GABRG3: variants seen among roughly 807,000 people sequenced by gnomAD.
GABRG3 encodes gamma-aminobutyric acid type A receptor subunit gamma3, also known as gamma-aminobutyric acid receptor subunit gamma-3.
Under a neutral mutation model 48.8 loss-of-function variants are expected in GABRG3, and 25 were observed. The observed-to-expected ratio is 0.51, with a 90% CI of 0.37 to 0.72. The LOEUF is 0.72. GABRG3 is among the 30% of genes least tolerant of loss of function. GABRG3 has a pLI of 0.00. For missense variants in GABRG3, 394 were observed against 577.9 expected, an observed-to-expected ratio of 0.68 and a Z score of 3.26; for synonymous variants, 227 against 217.6, an observed-to-expected ratio of 1.04 and a Z score of -0.38.
At chr15:27,234,052 CT>C (rs1178549715) in intron 3 of GABRG3, among the ~76,000 whole-genome samples, 3 of 152,158 alleles carry the variant, frequency 2.0e-5, no homozygotes, top group African/African-American at 7.2e-5. Flanking sequence ...CCAAGACTTT[CT>C]TCCTTTTTTT....
chr15:27,351,248 G>GTT (rs1236054797), intron 5 of GABRG3, among the ~76,000 whole-genome samples: 1 of 143,672 alleles, frequency 7.0e-6, no homozygotes, highest in African/African-American at 2.8e-5. Context: ...TGTGTATGGT[G>GTT]TTTGTGTGTA....
intron 5 of GABRG3, 93 bp from the exon 6 acceptor site, chr15:27,480,557 A>G (rs1890073778): frequency 8.2e-7 from 1 of 1,214,538 alleles, no homozygotes; most frequent in Non-Finnish European, 1.1e-6. Context: ...TTAACTCCTA[A>G]CTCCTGTAAT....
intron 5 of GABRG3, among the ~76,000 whole-genome samples, chr15:27,332,757 C>T (rs780961949): frequency 6.6e-6 from 1 of 152,088 alleles, no homozygotes; most frequent in African/African-American, 2.4e-5. Context: ...ATAAAGTGAT[C>T]ATAAAATTGA....
At chr15:27,513,655 A>T (rs1010535775) in intron 6 of GABRG3, among the ~76,000 whole-genome samples, 7 of 151,918 alleles carry the variant, frequency 4.6e-5, no homozygotes, top group African/African-American at 1.7e-4. Context: ...CGAGGAAAAG[A>T]ATAAAACAAA....
chr15:27,078,811 C>T lies in GABRG3; in HGVS notation c.270+51990C>T, dbSNP rs141233009. 8.9e-4 allele frequency among the ~76,000 whole-genome samples: 135 copies of T among 152,280 alleles called. 2 individuals are homozygous for T. The highest frequency in any genetic ancestry group is 3.0e-3 in the African/African-American group (125 of 41,552). On this transcript the variant is annotated intron_variant, in intron 3 of 9. Coordinates refer to ENST00000615808, the MANE Select transcript of GABRG3 (RefSeq NM_033223.5). ...GGTCAGTGTTGGGTTGGATGCTGTC[C>T]CCCTGCAATGCATATCCTTCCTGGA...
At chr15:27,387,259 T>A (rs576419433) in intron 5 of GABRG3, among the ~76,000 whole-genome samples, 390 of 152,328 alleles carry the variant, frequency 2.6e-3, no homozygotes, top group African/African-American at 8.8e-3. Context: ...TCACGTTTTT[T>A]TTTTTATTTG....
intron 3 of GABRG3, among the ~76,000 whole-genome samples, chr15:27,132,944 A>G (rs980719823): frequency 2.0e-5 from 3 of 151,218 alleles, no homozygotes; most frequent in Admixed American, 1.3e-4. Context: ...ACATCTCTAA[A>G]TTTCCTTCTC....
chr15:27,146,993 G>A (rs879476045), intron 3 of GABRG3, among the ~76,000 whole-genome samples: 2 of 151,922 alleles, frequency 1.3e-5, no homozygotes, highest in Non-Finnish European at 2.9e-5. Context: ...GCAGAGATTG[G>A]CAGAACGGCT....
At chr15:27,144,417 G>A (rs539864493) in intron 3 of GABRG3, among the ~76,000 whole-genome samples, 246 of 152,258 alleles carry the variant, frequency 1.6e-3, no homozygotes, top group African/African-American at 5.6e-3. Context: ...TAGTTCTCAG[G>A]AAACCACCAT....
chr15:27,053,413 T>A lies in GABRG3; in HGVS notation c.270+26592T>A, dbSNP rs113556081. Among the ~76,000 whole-genome samples, 853 of 152,232 alleles carry A rather than the reference T, an allele frequency of 5.6e-3. 6 individuals carry two copies. Among genetic ancestry groups the A allele is most frequent in the African/African-American group, 0.02 (816 of 41,546 alleles). On this transcript the variant is annotated intron_variant, in intron 3 of 9. Transcript: ENST00000615808. ...TCAACATCACTAACCGTCAGAGAAT[T>A]GCAAATCAAAACCACAGTGAGACAC...
intron 3 of GABRG3, among the ~76,000 whole-genome samples, chr15:27,118,804 T>C (rs1897684747): frequency 1.3e-5 from 2 of 152,208 alleles, no homozygotes; most frequent in Non-Finnish European, 2.9e-5. Flanking sequence ...CTTTAGATGC[T>C]TTGGAGTCTT....
intron 3 of GABRG3, among the ~76,000 whole-genome samples, chr15:27,138,244 G>T (rs1898043689): frequency 1.3e-5 from 2 of 152,128 alleles, no homozygotes; most frequent in South Asian, 4.1e-4. Context: ...TATAAGGATT[G>T]CTGGGGACTG....
At chr15:27,437,618 G>A (rs1199790266) in intron 5 of GABRG3, among the ~76,000 whole-genome samples, 1 of 152,200 alleles carries the variant, frequency 6.6e-6, no homozygotes, top group African/African-American at 2.4e-5. Flanking sequence ...ACTGGACATG[G>A]TCACTGCTAC....
intron 3 of GABRG3, among the ~76,000 whole-genome samples, chr15:27,066,438 C>T (rs1896738899): frequency 6.6e-6 from 1 of 152,168 alleles, no homozygotes; most frequent in Non-Finnish European, 1.5e-5. Context: ...GAGCTCCTAA[C>T]ATTAGAAACA....
At chr15:27,428,831 G>GA (rs1440341928) in intron 5 of GABRG3, among the ~76,000 whole-genome samples, 5 of 151,760 alleles carry the variant, frequency 3.3e-5, no homozygotes, top group Admixed American at 2.6e-4. Flanking sequence ...GGAGCTGAGG[G>GA]AAAAAAAATT....
chr15:27,433,595 G>T (rs577329697), intron 5 of GABRG3, among the ~76,000 whole-genome samples: 5 of 152,316 alleles, frequency 3.3e-5, no homozygotes, highest in African/African-American at 1.2e-4. Flanking sequence ...CCCTCTGGTG[G>T]CTCTTTTTAA....
At chr15:27,312,465 C>T (rs1463233895) in intron 3 of GABRG3, among the ~76,000 whole-genome samples, 1 of 151,898 alleles carries the variant, frequency 6.6e-6, no homozygotes, top group Non-Finnish European at 1.5e-5. Flanking sequence ...TAAAATGAGT[C>T]CCCAAAATGC....
chr15:27,374,414 C>T (rs1895524082), intron 5 of GABRG3, among the ~76,000 whole-genome samples: 1 of 152,120 alleles, frequency 6.6e-6, no homozygotes, highest in African/African-American at 2.4e-5. Context: ...TATAGGCATG[C>T]ACCACGGCAC....
At chr15:27,449,944 T>C (rs117133527) in intron 5 of GABRG3, among the ~76,000 whole-genome samples, 4,786 of 152,360 alleles carry the variant, frequency 0.031, 122 homozygotes, top group Middle Eastern at 0.1. Context: ...ACTTTTTCTA[T>C]AGGTGTACAT....
Sources: gnomAD v4.1 joint callset for allele counts (sites outside exome capture counted in the v4.1 genomes callset) on GRCh38, gnomAD v4.1.1 for gene constraint, MANE v1.5 for transcripts, NCBI Gene and HGNC (gene_info 2026-07-23, HGNC 2026-07-21) for gene names.